The following WDR43 variants were observed in gnomAD, a reference collection of about 807,000 sequenced individuals.
WDR43 encodes WD repeat domain 43.
Under a neutral mutation model 91.4 loss-of-function variants are expected in WDR43, and 13 were observed. The observed-to-expected ratio is 0.14, with a 90% confidence interval of 0.09 to 0.23. WDR43 has a LOEUF of 0.23. Among genes scored for constraint, WDR43 ranks in the 10% least tolerant of loss-of-function variants. The pLI is 1.00. For synonymous variants in WDR43, 331 were observed against 287.9 expected (o/e 1.15, Z -1.51); for missense variants, 780 against 809.4 (o/e 0.96, Z 0.44).
rs2148184244 is a variant in WDR43, at chr2:28,912,621, T to A, written c.517T>A (p.Ser173Thr). ...KWKGDNSSVS[S>T]LCISPDGKML... ...GAAAGGCGACAATAGCAGTGTCAGT[T>A]CCCTATGTATCAGCCCAGATGGAAA... The change falls in exon 4 of 18, where the codon TCC becomes ACC. Residue 173 changes from serine (S) to threonine (T), a missense_variant. Ser to Thr is a moderately conservative substitution (Grantham distance 58). Around this residue, in one of 4 missense-constraint regions of WDR43, gnomAD observed 174 missense variants for 207.3 expected, o/e 0.84. Coordinates refer to ENST00000407426, the MANE Select transcript of WDR43 (RefSeq NM_015131.3). The A allele has an allele frequency of 6.2e-7, 1 of 1,613,948 alleles. No homozygotes were observed. Among genetic ancestry groups the A allele is most frequent in the Non-Finnish European group, 8.5e-7 (1 of 1,179,862 alleles).
intron 11 of WDR43, among the ~76,000 whole-genome samples, chr2:28,933,407 G>C (rs1253558338): frequency 6.6e-6 from 1 of 152,142 alleles, no homozygotes; most frequent in Admixed American, 6.5e-5. Context: ...AGACTTGACT[G>C]TAAAACCTAA....
intron 6 of WDR43, among the ~76,000 whole-genome samples, chr2:28,919,440 A>G (rs1027312943): frequency 6.6e-6 from 1 of 152,122 alleles, no homozygotes; most frequent in African/African-American, 2.4e-5. Context: ...AGGCCGAGGC[A>G]GGTGGATCAT....
At chr2:28,910,527 CCTTT>C (rs1429389015) in intron 3 of WDR43, among the ~76,000 whole-genome samples, 1 of 151,572 alleles carries the variant, frequency 6.6e-6, no homozygotes, top group Non-Finnish European at 1.5e-5. Flanking sequence ...TTGTTTATAT[CCTTT>C]GTCTGTTTTT....
rs1247306177 is a variant in WDR43 at position 28,894,857 on chromosome 2, G to A, written c.159G>A (p.Val53=). ...ACAACCGGCTGCACCAGGAGTACGT[G>A]CCTTCCGCGCACCTCAGTGGTACCT... ...TANNRLHQEY[V]PSAHLSGTCT... is the part of the protein sequence containing the mutation. Residue 53 remains valine, a synonymous_variant, in exon 1 of 18, where the codon GTG becomes GTA. Transcript: ENST00000407426. 1 of 1,610,406 alleles carries A rather than the reference G, an allele frequency of 6.2e-7. No individual in the cohort carries two copies. Among genetic ancestry groups the A allele is most frequent in the Non-Finnish European group, 8.5e-7 (1 of 1,178,554 alleles).
chr2:28,946,800 C>T lies in WDR43; in HGVS notation c.*21C>T. The T allele has an allele frequency of 6.4e-7, 1 of 1,556,908 alleles. No homozygotes were observed. The highest frequency in any genetic ancestry group is 1.2e-5 in the South Asian group (1 of 83,190). On this transcript the variant is annotated 3_prime_UTR_variant, in exon 18 of 18. Coordinates refer to ENST00000407426, the MANE Select transcript of WDR43 (RefSeq NM_015131.3). ...AATGAAGACAGCAAAGCAAGCCGGT[C>T]AAACTATATAAACTCTGGCTCACCT... is the stretch of plus-strand genomic sequence containing the variant.
chr2:28,930,015 A>G (rs1030162428), intron 11 of WDR43: 4 of 513,582 alleles, frequency 7.8e-6, no homozygotes, highest in Admixed American at 6.9e-5. Context: ...GCTGAATGAT[A>G]ATACTCAGCA....
At chr2:28,926,158 C>A (rs1030942323) in intron 8 of WDR43, among the ~76,000 whole-genome samples, 2 of 152,080 alleles carry the variant, frequency 1.3e-5, no homozygotes, top group Admixed American at 1.3e-4. Context: ...TTCTTTAAAA[C>A]CTGTTACGTT....
rs1558386937 is a variant in WDR43, at chr2:28,946,696, G to C, written c.1951G>C (p.Gly651Arg). Residue 651 changes from glycine (G) to arginine (R), a missense_variant, in exon 18 of 18, where the codon GGC (glycine) becomes CGC (arginine). By Grantham distance (125) the Gly-to-Arg change is moderately radical. This residue lies in a region of WDR43 where 426 missense variants were observed against 467.8 expected (regional missense o/e 0.91). Coordinates refer to ENST00000407426, the MANE Select transcript of WDR43 (RefSeq NM_015131.3). ...TGCCGAAGGAAAAGATGAAGAAAAT[G>C]GCGAGGACAGAGATACAGCAAGTGA... ...EDAEGKDEEN[G>R]EDRDTASEKE... 6.3e-7 allele frequency: 1 copy of C among 1,576,618 alleles called. No individual in the cohort carries two copies.
intron 8 of WDR43, among the ~76,000 whole-genome samples, chr2:28,925,546 T>C (rs573950749): frequency 1.4e-4 from 22 of 152,360 alleles, no homozygotes; most frequent in African/African-American, 5.1e-4. Context: ...TACGAAGATA[T>C]GAATCTTAAT....
chr2:28,903,776 G>A (rs151168091), intron 2 of WDR43, among the ~76,000 whole-genome samples: 23 of 152,254 alleles, frequency 1.5e-4, no homozygotes, highest in African/African-American at 4.8e-4. Flanking sequence ...TGTGATAGCT[G>A]CTCAGCTGCT....
chr2:28,936,128 C>T (rs1167027555), intron 12 of WDR43, among the ~76,000 whole-genome samples: 7 of 151,728 alleles, frequency 4.6e-5, no homozygotes, highest in South Asian at 4.1e-4. Flanking sequence ...GACTGTAATG[C>T]GCTATGATTG....
chr2:28,938,095 T>C (rs1671367146), intron 14 of WDR43, 101 bp downstream of exon 14: 3 of 1,284,504 alleles, frequency 2.3e-6, no homozygotes, highest in Non-Finnish European at 3.3e-6. Context: ...CCTTTCCCCA[T>C]CTATCCTTCA....
At position 28,947,991 on chromosome 2, in the gene WDR43, G is replaced by A. The variant is rs1300437696; in HGVS notation, c.*1212G>A. 5 of 150,386 alleles carry A rather than the reference G, an allele frequency of 3.3e-5. No homozygotes were observed. The highest frequency in any genetic ancestry group is 1.2e-4 in the African/African-American group (5 of 40,774). 9.3% of individuals were successfully genotyped at this position (150,386 alleles called of 1,614,324 possible). A position where few individuals can be genotyped will look rare whatever the true frequency, so the allele number is the denominator to read the frequency against. On this transcript the variant is annotated 3_prime_UTR_variant, in exon 18 of 18. Coordinates refer to ENST00000407426, the MANE Select transcript of WDR43 (RefSeq NM_015131.3). ...CAGATGGATTTATTTTTTCCCACCTGTGAATATGTAAAACAAAACCATTAT... is the reference window on the plus strand; with the variant it reads ...CAGATGGATTTATTTTTTCCCACCTATGAATATGTAAAACAAAACCATTAT...
At chr2:28,929,766 G>T in intron 11 of WDR43, 56 bp downstream of exon 11, 3 of 1,539,590 alleles carry the variant, frequency 1.9e-6, no homozygotes, top group South Asian at 2.3e-5. Context: ...CTTAGAAAAT[G>T]ATTGACATAG....
intron 2 of WDR43, among the ~76,000 whole-genome samples, 181 bp from the exon 3 acceptor site, chr2:28,906,279 C>T (rs1322818356): frequency 6.6e-6 from 1 of 152,100 alleles, no homozygotes; most frequent in Non-Finnish European, 1.5e-5. Flanking sequence ...CCAGTGGAAC[C>T]TTTTCAAAAA....
At chr2:28,913,829 G>A in intron 4 of WDR43, 1 of 665,038 alleles carries the variant, frequency 1.5e-6, no homozygotes, top group Non-Finnish European at 2.8e-6. Flanking sequence ...CGGAGTGGTA[G>A]GGTCATGGGA....
At chr2:28,926,651 T>G in intron 9 of WDR43, 97 bp downstream of exon 9, 2 of 980,156 alleles carry the variant, frequency 2.0e-6, no homozygotes, top group Non-Finnish European at 2.9e-6. Flanking sequence ...AGTTTTTTAT[T>G]CTTTAATATC....
chr2:28,942,463 C>T (rs1305648287), intron 16 of WDR43, 82 bp downstream of exon 16: 15 of 1,432,142 alleles, frequency 1.0e-5, no homozygotes, highest in Middle Eastern at 1.7e-4. Flanking sequence ...TTTTTGAAAA[C>T]GTCAACATAA....
intron 12 of WDR43, 53 bp from the exon 13 acceptor site, chr2:28,936,869 A>G: frequency 6.8e-7 from 1 of 1,480,052 alleles, no homozygotes. Context: ...AGGAATTGAC[A>G]GCATTGGTTG....
Sources: gnomAD v4.1 joint callset for allele counts (sites outside exome capture counted in the v4.1 genomes callset) on GRCh38, gnomAD v4.1.1 for gene constraint, gnomAD v4.1.1 regional missense constraint, MANE v1.5 for transcripts, NCBI Gene and HGNC (gene_info 2026-07-23, HGNC 2026-07-21) for gene names.